Variants in ARHGAP42 observed in about 807,000 individuals in gnomAD.
The protein encoded by ARHGAP42 is Rho GTPase activating protein 42, also known as rho GTPase-activating protein 42.
ARHGAP42 carries 63 observed loss-of-function variants against 125.0 expected under a neutral mutation model. That is an observed-to-expected ratio of 0.50 (90% CI 0.41 to 0.62). The LOEUF (loss-of-function observed/expected upper bound fraction) is 0.62. Ranked by LOEUF, ARHGAP42 falls within the 20% of genes least tolerant of loss-of-function variation. The pLI, the probability that ARHGAP42 is intolerant of heterozygous loss-of-function variation, is 0.00. For synonymous variants in ARHGAP42, 339 were observed against 351.0 expected (o/e 0.97, Z 0.38); for missense variants, 766 against 1,024.2 (o/e 0.75, Z 3.44).
At chr11:100,808,184 A>G (rs1260527736) in intron 3 of ARHGAP42, among the ~76,000 whole-genome samples, 2 of 152,194 alleles carry the variant, frequency 1.3e-5, no homozygotes, top group East Asian at 3.9e-4. Flanking sequence ...ATATCAGCTG[A>G]CAGACCAACC....
chr11:100,941,734 A>G (rs903683379), intron 8 of ARHGAP42, 50 bp from the exon 9 acceptor site: 24 of 1,179,488 alleles, frequency 2.0e-5, no homozygotes, highest in African/African-American at 3.2e-5. Flanking sequence ...AAACTTTGAT[A>G]CAAATCATTT....
intron 4 of ARHGAP42, among the ~76,000 whole-genome samples, chr11:100,902,820 C>G (rs1253393301): frequency 6.6e-6 from 1 of 152,162 alleles, no homozygotes; most frequent in Admixed American, 6.5e-5. Flanking sequence ...TGTCCTCTCC[C>G]ATGACTGCCA....
intron 1 of ARHGAP42, among the ~76,000 whole-genome samples, chr11:100,757,496 A>G (rs1862603751): frequency 1.3e-5 from 2 of 152,206 alleles, no homozygotes; most frequent in South Asian, 4.1e-4. Context: ...TAGTAAGTCA[A>G]TCTATTAAAA....
chr11:100,875,316 C>T (rs2135166330), intron 4 of ARHGAP42, among the ~76,000 whole-genome samples: 1 of 151,972 alleles, frequency 6.6e-6, no homozygotes, highest in East Asian at 1.9e-4. Flanking sequence ...AACCCGGTGC[C>T]CAGCCTCCCA....
chr11:100,887,040 A>AT (rs1403198226), intron 4 of ARHGAP42, among the ~76,000 whole-genome samples: 1 of 152,150 alleles, frequency 6.6e-6, no homozygotes, highest in Non-Finnish European at 1.5e-5. Flanking sequence ...TTATCAATGC[A>AT]TGTCAGTACT....
At chr11:100,946,330 G>A (rs568453795) in intron 10 of ARHGAP42, among the ~76,000 whole-genome samples, 13 of 152,004 alleles carry the variant, frequency 8.6e-5, no homozygotes, top group African/African-American at 1.9e-4. Flanking sequence ...GATTCCTAGC[G>A]TTTGTGTATT....
At chr11:100,926,722 G>T (rs982326175) in intron 6 of ARHGAP42, among the ~76,000 whole-genome samples, 1 of 152,172 alleles carries the variant, frequency 6.6e-6, no homozygotes, top group African/African-American at 2.4e-5. Flanking sequence ...AATGCACAAA[G>T]CTCTTGTACC....
At chr11:100,771,674 C>T (rs1263795290) in intron 2 of ARHGAP42, among the ~76,000 whole-genome samples, 1 of 151,988 alleles carries the variant, frequency 6.6e-6, no homozygotes, top group Non-Finnish European at 1.5e-5. Context: ...TCTCGGCTCA[C>T]TGCACCCTCC....
intron 22 of ARHGAP42, among the ~76,000 whole-genome samples, chr11:100,983,817 T>C (rs1858604991): frequency 1.3e-5 from 2 of 152,148 alleles, no homozygotes; most frequent in Admixed American, 6.6e-5. Flanking sequence ...AAAAAATCTT[T>C]GAAAAGAACA....
chr11:100,813,770 G>A (rs1864202299), intron 3 of ARHGAP42, among the ~76,000 whole-genome samples: 2 of 151,930 alleles, frequency 1.3e-5, no homozygotes, highest in Admixed American at 1.3e-4. Flanking sequence ...CCCTCTAATA[G>A]GTATATATTG....
At chr11:100,880,047 A>AT (rs1374507818) in intron 4 of ARHGAP42, among the ~76,000 whole-genome samples, 2 of 152,110 alleles carry the variant, frequency 1.3e-5, no homozygotes, top group Non-Finnish European at 2.9e-5. Context: ...TTATTTATTC[A>AT]TTTTTGATAT....
intron 17 of ARHGAP42, among the ~76,000 whole-genome samples, chr11:100,972,133 A>G (rs1217984029): frequency 6.6e-6 from 1 of 152,194 alleles, no homozygotes; most frequent in Admixed American, 6.5e-5. Flanking sequence ...CAGGAGTTGC[A>G]TGGATAGTCT....
chr11:100,865,688 T>C (rs1191349861), intron 4 of ARHGAP42, among the ~76,000 whole-genome samples: 4 of 152,262 alleles, frequency 2.6e-5, no homozygotes, highest in Non-Finnish European at 4.4e-5. Flanking sequence ...ATATTCATAC[T>C]ATACAGTAGC....
intron 3 of ARHGAP42, among the ~76,000 whole-genome samples, chr11:100,811,280 A>G (rs1030490749): frequency 2.6e-5 from 4 of 152,192 alleles, no homozygotes; most frequent in Non-Finnish European, 5.9e-5. Flanking sequence ...AAATGTTAGT[A>G]GTTCCATATT....
chr11:100,808,666 A>G (rs990867458), intron 3 of ARHGAP42, among the ~76,000 whole-genome samples: 79 of 152,066 alleles, frequency 5.2e-4, no homozygotes, highest in African/African-American at 1.8e-3. Context: ...CGGCCTCCCA[A>G]AGTGCTGGGA....
chr11:100,883,566 C>G (rs1241477208), intron 4 of ARHGAP42, among the ~76,000 whole-genome samples: 2 of 152,100 alleles, frequency 1.3e-5, no homozygotes, highest in African/African-American at 4.8e-5. Context: ...TGATCGTGAT[C>G]TCTTGACCTC....
intron 8 of ARHGAP42, among the ~76,000 whole-genome samples, chr11:100,940,088 A>G (rs770197820): frequency 4.2e-4 from 64 of 152,154 alleles, no homozygotes; most frequent in Non-Finnish European, 8.1e-4. Context: ...ATGGTCCCCA[A>G]ATGGAATTGC....
At chr11:100,935,638 G>A (rs1309949946) in intron 7 of ARHGAP42, among the ~76,000 whole-genome samples, 2 of 147,908 alleles carry the variant, frequency 1.4e-5, no homozygotes, top group Admixed American at 1.4e-4. Context: ...ATGTTAGAGT[G>A]TGAAAATAGG....
intron 3 of ARHGAP42, among the ~76,000 whole-genome samples, chr11:100,799,910 G>A (rs568030233): frequency 1.1e-4 from 17 of 152,264 alleles, no homozygotes; most frequent in African/African-American, 3.9e-4. Context: ...ATGGTTGATT[G>A]GACAAGTGGA....
Sources: gnomAD v4.1 joint callset for allele counts (sites outside exome capture counted in the v4.1 genomes callset) on GRCh38, gnomAD v4.1.1 for gene constraint, MANE v1.5 for transcripts, NCBI Gene and HGNC (gene_info 2026-07-23, HGNC 2026-07-21) for gene names.